Variants in AGBL4 observed in about 807,000 individuals in gnomAD.
The protein encoded by AGBL4 is AGBL carboxypeptidase 4.
In AGBL4, 58 loss-of-function variants were observed where a neutral mutation model predicts 66.4. The observed-to-expected ratio is 0.87, with a 90% CI of 0.71 to 1.09. The LOEUF is 1.09. Among genes scored for constraint, AGBL4 ranks in the 50% least tolerant of loss-of-function variants. AGBL4 has a pLI of 0.00. For missense variants in AGBL4, 579 were observed against 631.0 expected (o/e 0.92, Z 0.88); for synonymous variants, 234 against 222.9 (o/e 1.05, Z -0.44).
chr1:49,831,376 A>C (rs1645671731), intron 2 of AGBL4, among the ~76,000 whole-genome samples: 1 of 152,082 alleles, frequency 6.6e-6, no homozygotes, highest in Non-Finnish European at 1.5e-5. Flanking sequence ...AGCAATTGTG[A>C]ATGGGAGTTC....
At position 49,232,572 on chromosome 1, in the gene AGBL4, G is replaced by A. The variant is rs184954362; in HGVS notation, c.377+13198C>T. 4.1e-3 allele frequency among the ~76,000 whole-genome samples: 627 copies of A among 152,088 alleles called. 3 individuals carry two copies. The highest frequency in any genetic ancestry group is 6.9e-3 in the Non-Finnish European group (470 of 67,974). ...AAATTAGCTGGGCATGGTGGCGGAT[G>A]CCTGTAGTCCCAGCTACTTGGGAGG... On this transcript the variant is annotated intron_variant, in intron 4 of 13. Coordinates refer to ENST00000371839, the MANE Select transcript of AGBL4 (RefSeq NM_032785.4).
At chr1:49,785,615 T>C (rs1644433961) in intron 2 of AGBL4, among the ~76,000 whole-genome samples, 1 of 151,912 alleles carries the variant, frequency 6.6e-6, no homozygotes, top group African/African-American at 2.4e-5. Context: ...TGAAAACATA[T>C]ACAATGGGAT....
At chr1:48,636,414 G>A (rs1166028752) in intron 8 of AGBL4, among the ~76,000 whole-genome samples, 2 of 152,112 alleles carry the variant, frequency 1.3e-5, no homozygotes, top group African/African-American at 2.4e-5. Flanking sequence ...TGCCATACAA[G>A]CCCTGTATTA....
At chr1:49,414,895 G>A (rs554978890) in intron 3 of AGBL4, among the ~76,000 whole-genome samples, 1 of 152,100 alleles carries the variant, frequency 6.6e-6, no homozygotes. Context: ...AATGATAGTT[G>A]CTATTTTTAT....
intron 2 of AGBL4, among the ~76,000 whole-genome samples, chr1:49,833,031 C>T (rs1202049940): frequency 6.6e-6 from 1 of 151,880 alleles, no homozygotes; most frequent in East Asian, 1.9e-4. Context: ...GCTTTTGTTG[C>T]CATTGCTTTT....
intron 1 of AGBL4, among the ~76,000 whole-genome samples, chr1:49,952,989 T>C (rs2148328127): frequency 6.6e-6 from 1 of 151,950 alleles, no homozygotes; most frequent in East Asian, 1.9e-4. Flanking sequence ...AAAACCAACC[T>C]CCATGAGTAG....
rs1645465265 is a variant in AGBL4 at position 48,788,641 on chromosome 1, T to G, written c.634+78550A>C. ...ATGCCTTTCTGTTTCCATTTCTGGG[T>G]TCTCTTTTTGTCTCCTTGCATGAAT... On this transcript the variant is annotated intron_variant, in intron 6 of 13. Coordinates refer to ENST00000371839, the MANE Select transcript of AGBL4 (RefSeq NM_032785.4). Among the ~76,000 whole-genome samples, 3 of 152,246 alleles carry G rather than the reference T, an allele frequency of 2.0e-5. No homozygotes were observed. The South Asian group carries it at 6.2e-4, about 32-fold the overall frequency.
At chr1:48,621,992 C>G (rs1283951980) in intron 9 of AGBL4, among the ~76,000 whole-genome samples, 1 of 151,978 alleles carries the variant, frequency 6.6e-6, no homozygotes, top group Non-Finnish European at 1.5e-5. Context: ...TGTCTTTCTA[C>G]TCCCTGAAGT....
intron 3 of AGBL4, among the ~76,000 whole-genome samples, chr1:49,629,382 G>T (rs2124347285): frequency 6.6e-6 from 1 of 152,234 alleles, no homozygotes; most frequent in Non-Finnish European, 1.5e-5. Context: ...CTTGGGAAAT[G>T]GCCCCATTGA....
chr1:49,645,577 G>A (rs1571239000), intron 3 of AGBL4, among the ~76,000 whole-genome samples: 2 of 151,290 alleles, frequency 1.3e-5, no homozygotes, highest in Non-Finnish European at 1.5e-5. Context: ...GAAAACTCCA[G>A]GCCCACATGC....
At chr1:49,222,487 T>C (rs901850856) in intron 4 of AGBL4, among the ~76,000 whole-genome samples, 1 of 152,208 alleles carries the variant, frequency 6.6e-6, no homozygotes, top group Non-Finnish European at 1.5e-5. Flanking sequence ...ACTCATCTAA[T>C]AAAGCAAAAT....
intron 9 of AGBL4, among the ~76,000 whole-genome samples, chr1:48,632,777 T>C (rs1301010518): frequency 2.0e-5 from 3 of 152,236 alleles, no homozygotes; most frequent in Non-Finnish European, 4.4e-5. Context: ...TTGTTCTCTT[T>C]GAGAAGGAAG....
chr1:49,989,058 T>A (rs1237884335), intron 1 of AGBL4, among the ~76,000 whole-genome samples: 2 of 152,170 alleles, frequency 1.3e-5, no homozygotes, highest in Admixed American at 1.3e-4. Flanking sequence ...TGAGACTCAG[T>A]GAAGTTAGCG....
At chr1:49,935,325 G>A (rs1242857382) in intron 1 of AGBL4, among the ~76,000 whole-genome samples, 2 of 152,244 alleles carry the variant, frequency 1.3e-5, no homozygotes, top group Non-Finnish European at 2.9e-5. Context: ...AAACAAAGCA[G>A]CCGGGAAGCT....
chr1:49,361,888 CGATT>C, intron 3 of AGBL4, among the ~76,000 whole-genome samples: 1 of 152,030 alleles, frequency 6.6e-6, no homozygotes, highest in Admixed American at 6.6e-5. Context: ...CCATTGAGCC[CGATT>C]CCCATATTCA....
At chr1:49,444,038 T>C (rs1023589494) in intron 3 of AGBL4, among the ~76,000 whole-genome samples, 4 of 152,036 alleles carry the variant, frequency 2.6e-5, no homozygotes, top group East Asian at 1.9e-4. Context: ...CAGGATTACA[T>C]GGTGTAATTT....
At chr1:49,763,605 A>G (rs1215537300) in intron 2 of AGBL4, among the ~76,000 whole-genome samples, 1 of 152,182 alleles carries the variant, frequency 6.6e-6, no homozygotes, top group Non-Finnish European at 1.5e-5. Flanking sequence ...GAGCCAGGGG[A>G]AGCTCCATAA....
chr1:49,795,962 T>C (rs1200016011), intron 2 of AGBL4, among the ~76,000 whole-genome samples: 2 of 151,942 alleles, frequency 1.3e-5, no homozygotes, highest in Non-Finnish European at 2.9e-5. Flanking sequence ...ATGTAAATTA[T>C]CTTATGTGAA....
rs562865781 is a variant in AGBL4, at chr1:49,434,722, G to A, written c.283-188858C>T. On this transcript the variant is annotated intron_variant, in intron 3 of 13. Transcript: ENST00000371839. ...TGGTGGTGGTGCTGGTGGTGGTGGT[G>A]GTGGTGGTGGTGTGTGTGTGACTAT... Among the ~76,000 whole-genome samples the A allele has an allele frequency of 6.6e-5, 10 of 151,582 alleles. No homozygotes were observed. The South Asian group carries it at 2.1e-3, about 32-fold the overall frequency.
Sources: gnomAD v4.1 joint callset for allele counts (sites outside exome capture counted in the v4.1 genomes callset) on GRCh38, gnomAD v4.1.1 for gene constraint, MANE v1.5 for transcripts, NCBI Gene and HGNC (gene_info 2026-07-23, HGNC 2026-07-21) for gene names.